MTA3: variants seen among roughly 807,000 people sequenced by gnomAD.
MTA3 encodes metastasis associated 1 family member 3.
In MTA3, 34 loss-of-function variants were observed where a neutral mutation model predicts 83.5. The observed-to-expected ratio is 0.41, with a 90% CI of 0.31 to 0.54. The LOEUF is 0.54. MTA3 is among the 20% of genes least tolerant of loss of function. MTA3 has a pLI of 0.33. For missense variants in MTA3, 761 were observed against 726.4 expected (o/e 1.05, Z -0.55); for synonymous variants, 303 against 252.7 (o/e 1.20, Z -1.89).
At chr2:42,687,979 T>A (rs1692542010) in intron 9 of MTA3, among the ~76,000 whole-genome samples, 1 of 152,240 alleles carries the variant, frequency 6.6e-6, no homozygotes, top group African/African-American at 2.4e-5. Context: ...AGGCAGTCGC[T>A]ACTGACAAGG....
chr2:42,570,882 A>G (rs1363145023), intron 2 of MTA3, among the ~76,000 whole-genome samples: 1 of 151,886 alleles, frequency 6.6e-6, no homozygotes, highest in Non-Finnish European at 1.5e-5. Flanking sequence ...GCATGGTGGC[A>G]CATGCCTGTA....
At chr2:42,706,133 G>A (rs1160865013) in intron 12 of MTA3, among the ~76,000 whole-genome samples, 1 of 152,118 alleles carries the variant, frequency 6.6e-6, no homozygotes, top group African/African-American at 2.4e-5. Context: ...TGTGGGGTGG[G>A]GGGAGCAGGG....
intron 4 of MTA3, 80 bp downstream of exon 4, chr2:42,609,664 C>A: frequency 6.9e-7 from 1 of 1,459,716 alleles, no homozygotes; most frequent in Admixed American, 2.1e-5. Context: ...GTTTTCCAGA[C>A]TCTTCTCAGG....
At chr2:42,650,021 C>G (rs2104338394) in intron 6 of MTA3, among the ~76,000 whole-genome samples, 1 of 152,194 alleles carries the variant, frequency 6.6e-6, no homozygotes, top group East Asian at 1.9e-4. Context: ...GAGTTTTATC[C>G]TATTTTTTCA....
chr2:42,575,743 T>C (rs1678969265), intron 2 of MTA3, among the ~76,000 whole-genome samples: 2 of 152,252 alleles, frequency 1.3e-5, no homozygotes, highest in African/African-American at 4.8e-5. Flanking sequence ...AGCTAAATCA[T>C]GCATTGTTTT....
intron 3 of MTA3, among the ~76,000 whole-genome samples, chr2:42,606,169 G>A (rs1314033222): frequency 7.2e-4 from 52 of 72,380 alleles, no homozygotes; most frequent in East Asian, 1.3e-3. Flanking sequence ...CTCACCTCCC[G>A]GACGGGGCGG....
At chr2:42,605,187 G>A (rs1390955835) in intron 3 of MTA3, among the ~76,000 whole-genome samples, 1 of 145,166 alleles carries the variant, frequency 6.9e-6, no homozygotes, top group African/African-American at 2.5e-5. Context: ...TCACCTCCCG[G>A]ACGGGGCGGC....
intron 4 of MTA3, among the ~76,000 whole-genome samples, chr2:42,626,004 G>T (rs1263412894): frequency 1.4e-5 from 2 of 145,892 alleles, no homozygotes; most frequent in East Asian, 2.1e-4. Context: ...GTGCAGTGGC[G>T]CAATCTCGGC....
At chr2:42,517,659 C>T (rs1169308310) in intron 2 of MTA3, among the ~76,000 whole-genome samples, 1 of 151,564 alleles carries the variant, frequency 6.6e-6, no homozygotes, top group Admixed American at 6.6e-5. Flanking sequence ...AAGGTGATCA[C>T]CTGAGGTCAA....
rs141842203 is a variant in MTA3, at chr2:42,645,761, T to G, written c.499+1517T>G. On this transcript the variant is annotated intron_variant, in intron 6 of 16. Transcript: ENST00000405094. ...CCAGCAGAGGTTGGGTCATGGGGTT[T>G]AAGGAAAAAATTCTTCATCATAACA... Among the ~76,000 whole-genome samples the G allele has an allele frequency of 1.1e-4, 16 of 152,244 alleles. No individual in the cohort carries two copies. The East Asian group carries it at 3.1e-3, about 29-fold the overall frequency.
chr2:42,568,844 C>T (rs1553343509), intron 1 of MTA3, 71 bp downstream of exon 1: 1 of 1,202,686 alleles, frequency 8.3e-7, no homozygotes, highest in Non-Finnish European at 1.0e-6. Flanking sequence ...GGCGAGTGCA[C>T]GCCAACTGCC....
At chr2:42,600,332 G>A (rs894299565) in intron 3 of MTA3, among the ~76,000 whole-genome samples, 3 of 152,084 alleles carry the variant, frequency 2.0e-5, no homozygotes, top group African/African-American at 7.2e-5. Flanking sequence ...ATGTACTATA[G>A]CAGATGGTTG....
chr2:42,553,928 A>C (rs1162333825), intron 2 of MTA3, among the ~76,000 whole-genome samples: 2 of 150,716 alleles, frequency 1.3e-5, no homozygotes, highest in Admixed American at 6.6e-5. Context: ...GAAGAAAAAA[A>C]AAACAAAACA....
chr2:42,510,930 A>G (rs941745676), intron 2 of MTA3, among the ~76,000 whole-genome samples: 5 of 152,246 alleles, frequency 3.3e-5, no homozygotes, highest in Admixed American at 6.5e-5. Context: ...ACTGTGTCCT[A>G]TCCATTCTGC....
Position 42,537,448 on chromosome 2 carries a change from C to T in MTA3, c.-140-32989C>T, listed in dbSNP as rs182981000. Among the ~76,000 whole-genome samples, 40 of 150,888 alleles carry T rather than the reference C, an allele frequency of 2.7e-4. No homozygotes were observed. In the East Asian group the frequency reaches 7.1e-3, roughly 27 times the overall value. ...GGCATAGTGGTGGGTGCCTGTAATC[C>T]CCACTACTCGGGAGGCTGAGACAGG... On this transcript the variant is annotated intron_variant, in intron 2 of 17. Transcript: ENST00000405592.
chr2:42,574,705 C>T (rs969737529), intron 2 of MTA3, among the ~76,000 whole-genome samples: 5 of 152,206 alleles, frequency 3.3e-5, no homozygotes, highest in East Asian at 1.9e-4. Context: ...GGATTACAGG[C>T]GTGAACCACT....
At chr2:42,711,777 A>AGTGTGTTTGTGTGTGTGT (rs1553393276) in intron 14 of MTA3, among the ~76,000 whole-genome samples, 1 of 148,536 alleles carries the variant, frequency 6.7e-6, no homozygotes. Context: ...TATAGGAGAG[A>AGTGTGTTTGTGTGTGTGT]GAGAGAGTGT....
chr2:42,672,935 C>T (rs1690964827), intron 8 of MTA3, among the ~76,000 whole-genome samples: 1 of 151,388 alleles, frequency 6.6e-6, no homozygotes, highest in South Asian at 2.1e-4. Flanking sequence ...CTACCTCTGC[C>T]TCCTGGGTTC....
At chr2:42,610,150 G>A (rs1363788718) in intron 4 of MTA3, among the ~76,000 whole-genome samples, 3 of 152,204 alleles carry the variant, frequency 2.0e-5, no homozygotes, top group African/African-American at 7.2e-5. Context: ...GGCCTTTCCC[G>A]ATTGATTTGA....
Sources: allele counts gnomAD v4.1 joint callset (sites outside exome capture counted in the v4.1 genomes callset), GRCh38; gene constraint gnomAD v4.1.1; transcripts MANE v1.5; gene names NCBI Gene and HGNC (gene_info 2026-07-23, HGNC 2026-07-21).